ARID1B: variants seen among roughly 807,000 people sequenced by gnomAD.
ARID1B encodes the protein AT-rich interaction domain 1B, also known as AT-rich interactive domain-containing protein 1B.
ARID1B carries 30 observed loss-of-function variants against 212.3 expected under a neutral mutation model. The ratio of observed to expected loss-of-function variants is 0.14; its 90% CI spans 0.11 to 0.19. The LOEUF is 0.19. Ranked by LOEUF, ARID1B falls within the 10% of genes least tolerant of loss-of-function variation. ARID1B has a pLI of 1.00. For missense variants in ARID1B, 2,891 were observed against 3,204.0 expected, an observed-to-expected ratio of 0.90 and a Z score of 2.36; for synonymous variants, 1,402 against 1,301.7, an observed-to-expected ratio of 1.08 and a Z score of -1.66.
intron 3 of ARID1B, among the ~76,000 whole-genome samples, chr6:156,912,105 T>TTAAATATAA (rs1243755699): frequency 6.6e-6 from 1 of 152,220 alleles, no homozygotes; most frequent in Non-Finnish European, 1.5e-5. Context: ...TTCTTAAATG[T>TTAAATATAA]TGTGTAAAGG....
At chr6:156,964,688 C>G (rs1045127128) in intron 4 of ARID1B, among the ~76,000 whole-genome samples, 3 of 152,150 alleles carry the variant, frequency 2.0e-5, no homozygotes, top group Non-Finnish European at 4.4e-5. Context: ...AGCTTAACCT[C>G]AGTTGAAGTA....
chr6:156,890,342 G>A (rs572083534), intron 2 of ARID1B, among the ~76,000 whole-genome samples: 25 of 152,252 alleles, frequency 1.6e-4, no homozygotes, highest in African/African-American at 3.1e-4. Context: ...ATCTTATATC[G>A]TGTGTACCCT....
intron 6 of ARID1B, among the ~76,000 whole-genome samples, chr6:157,132,484 G>A (rs1788616889): frequency 6.6e-6 from 1 of 152,184 alleles, no homozygotes; most frequent in Non-Finnish European, 1.5e-5. Flanking sequence ...AAGTCTGCAG[G>A]CTCTTTAGGA....
rs1315549301 is a variant in ARID1B at position 156,778,727 on chromosome 6, G to T, written c.1047G>T (p.Met349Ile). ...AACAAAGCCCCGGGATGGGGATGATGCACTCCGCCTCCGCCGCCGCCGCCG... is the reference window on the plus strand; with the variant it reads ...AACAAAGCCCCGGGATGGGGATGATTCACTCCGCCTCCGCCGCCGCCGCCG... Reference protein sequence around the residue: ...GGQQSPGMGMMHSASAAAAGA... With the variant: ...GGQQSPGMGMIHSASAAAAGA... The change falls in exon 1 of 20, where the codon ATG (methionine) becomes ATT (isoleucine). Residue 349 changes from methionine (M) to isoleucine (I), a missense_variant. Around this residue, in one of 7 missense-constraint regions of ARID1B, gnomAD observed 1,643 missense variants for 1,544.0 expected, o/e 1.06. Transcript: ENST00000636930. 2 of 1,524,734 alleles carry T rather than the reference G, an allele frequency of 1.3e-6. No individual in the cohort carries two copies. The highest frequency in any genetic ancestry group is 5.3e-5 in the East Asian group (2 of 37,868). 94.5% of individuals were successfully genotyped at this position (1,524,734 alleles called of 1,614,324 possible). A position where few individuals can be genotyped will look rare whatever the true frequency, so the allele number is the denominator to read the frequency against.
intron 4 of ARID1B, among the ~76,000 whole-genome samples, chr6:156,988,354 C>G (rs150874336): frequency 6.6e-6 from 1 of 152,282 alleles, no homozygotes; most frequent in Non-Finnish European, 1.5e-5. Context: ...ACATTTTGTA[C>G]TGTCTTCATT....
At chr6:157,035,752 C>T (rs1781287517) in intron 4 of ARID1B, among the ~76,000 whole-genome samples, 1 of 152,226 alleles carries the variant, frequency 6.6e-6, no homozygotes, top group African/African-American at 2.4e-5. Context: ...GCACCAGGCT[C>T]TGCCAGTGCC....
intron 5 of ARID1B, among the ~76,000 whole-genome samples, chr6:157,100,533 A>G (rs551559534): frequency 2.0e-5 from 3 of 152,378 alleles, no homozygotes; most frequent in Admixed American, 6.5e-5. Flanking sequence ...AACACTGAAC[A>G]GAAGGATGCT....
chr6:157,107,738 T>G (rs1355919473), intron 5 of ARID1B: 1 of 152,182 alleles, frequency 6.6e-6, no homozygotes, highest in African/African-American at 2.4e-5. Flanking sequence ...TTAAGCTATT[T>G]TAATGTTAAA....
At chr6:156,877,024 A>G (rs1036834749) in intron 2 of ARID1B, among the ~76,000 whole-genome samples, 4 of 152,152 alleles carry the variant, frequency 2.6e-5, no homozygotes, top group East Asian at 3.8e-4. Context: ...CCTCCCGGAA[A>G]TTAAATATTA....
chr6:157,159,735 T>C (rs1362199931), intron 8 of ARID1B, among the ~76,000 whole-genome samples: 1 of 151,936 alleles, frequency 6.6e-6, no homozygotes, highest in Non-Finnish European at 1.5e-5. Context: ...GTGGAGACAA[T>C]CAGGAGAAAT....
chr6:156,886,688 G>A (rs541185016), intron 2 of ARID1B, among the ~76,000 whole-genome samples: 16 of 152,354 alleles, frequency 1.1e-4, no homozygotes, highest in African/African-American at 3.8e-4. Flanking sequence ...AACAAGGACA[G>A]AGTTGAACCA....
intron 8 of ARID1B, among the ~76,000 whole-genome samples, chr6:157,156,396 TTGAA>T (rs1196678584): frequency 1.1e-4 from 17 of 152,360 alleles, no homozygotes; most frequent in African/African-American, 4.1e-4. Flanking sequence ...AATTTAGAAT[TTGAA>T]TGAATGTTAT....
At chr6:157,118,170 A>G (rs1209738563) in intron 6 of ARID1B, among the ~76,000 whole-genome samples, 1 of 152,226 alleles carries the variant, frequency 6.6e-6, no homozygotes, top group East Asian at 1.9e-4. Context: ...GAATAGATTA[A>G]CAAGTCAGTA....
intron 4 of ARID1B, among the ~76,000 whole-genome samples, chr6:156,997,784 C>G (rs1271733053): frequency 6.6e-6 from 1 of 151,398 alleles, no homozygotes; most frequent in Non-Finnish European, 1.5e-5. Flanking sequence ...TCTAAAGATT[C>G]TCCTATTAAG....
chr6:157,076,440 A>G (rs999105602), intron 4 of ARID1B, among the ~76,000 whole-genome samples: 6 of 151,536 alleles, frequency 4.0e-5, no homozygotes. Context: ...TTCCTGCCTA[A>G]TTTTTTTAAA....
At chr6:157,189,980 A>G in intron 14 of ARID1B, 58 bp from the exon 15 acceptor site, 1 of 1,596,030 alleles carries the variant, frequency 6.3e-7, no homozygotes, top group Non-Finnish European at 8.5e-7. Context: ...TTCTGAATGT[A>G]CTGTTTGGAG....
chr6:157,124,381 A>G (rs910869264), intron 6 of ARID1B, among the ~76,000 whole-genome samples: 1 of 152,274 alleles, frequency 6.6e-6, no homozygotes, highest in Non-Finnish European at 1.5e-5. Flanking sequence ...CACAAAAAAC[A>G]ATAGCAGTAT....
chr6:157,087,733 C>T (rs775603170), intron 5 of ARID1B, among the ~76,000 whole-genome samples: 60 of 151,262 alleles, frequency 4.0e-4, no homozygotes, highest in Admixed American at 2.0e-3. Context: ...TGAGGTAGTT[C>T]GGTAGGACTG....
intron 4 of ARID1B, among the ~76,000 whole-genome samples, chr6:157,021,763 G>T (rs974991071): frequency 6.6e-6 from 1 of 151,876 alleles, no homozygotes; most frequent in Non-Finnish European, 1.5e-5. Context: ...GGCGGGAGGC[G>T]GCGGCCGCTC....
Sources: allele counts gnomAD v4.1 joint callset (sites outside exome capture counted in the v4.1 genomes callset), GRCh38; gene constraint gnomAD v4.1.1; regional missense constraint gnomAD v4.1.1; transcripts MANE v1.5; gene names NCBI Gene and HGNC (gene_info 2026-07-23, HGNC 2026-07-21).